FLNB: variants seen among roughly 807,000 people sequenced by gnomAD.
The protein encoded by FLNB is filamin-B.
In FLNB, 111 loss-of-function variants were observed where a neutral mutation model predicts 250.6. That is an observed-to-expected ratio of 0.44 (90% CI 0.38 to 0.52). FLNB has a LOEUF of 0.52. FLNB is among the 20% of genes least tolerant of loss of function. The pLI is 0.00. For synonymous variants in FLNB, 1,302 were observed against 1,372.1 expected, an observed-to-expected ratio of 0.95 and a Z score of 1.13; for missense variants, 2,869 against 3,447.8, an observed-to-expected ratio of 0.83 and a Z score of 4.20.
At chr3:58,118,732 T>C (rs1206448427) in intron 18 of FLNB, 140 bp from the exon 19 acceptor site, 1 of 739,006 alleles carries the variant, frequency 1.4e-6, no homozygotes, top group Admixed American at 2.0e-5. Flanking sequence ...CTAGAAGAAA[T>C]AGATCTAAGA....
At position 58,124,468 on chromosome 3, in the gene FLNB, T is replaced by C. The variant is rs1294684447; in HGVS notation, c.3861T>C (p.Asp1287=). The C allele has an allele frequency of 1.2e-6, 2 of 1,614,102 alleles. No homozygotes were observed. The highest frequency in any genetic ancestry group is 1.7e-6 in the Non-Finnish European group (2 of 1,180,042). ...AGTGCTTTGTCACAGACAATGCGGATGGGACCTACCAGGTGGAATACACAC... is the reference window on the plus strand; with the variant it reads ...AGTGCTTTGTCACAGACAATGCGGACGGGACCTACCAGGTGGAATACACAC... ...STECFVTDNA[D]GTYQVEYTPF... Residue 1287 remains aspartate, a synonymous_variant, in exon 22 of 46, where the codon GAT becomes GAC. Coordinates refer to ENST00000295956, the MANE Select transcript of FLNB (RefSeq NM_001457.4).
At chr3:58,083,725 G>A (rs1276446858) in intron 4 of FLNB, among the ~76,000 whole-genome samples, 1 of 152,050 alleles carries the variant, frequency 6.6e-6, no homozygotes, top group African/African-American at 2.4e-5. Context: ...GACTTTTTGG[G>A]CATGATTTAG....
intron 29 of FLNB, among the ~76,000 whole-genome samples, chr3:58,139,931 G>T (rs896482882): frequency 6.6e-6 from 1 of 151,986 alleles, no homozygotes; most frequent in Non-Finnish European, 1.5e-5. Flanking sequence ...GACCCTTTTT[G>T]CAGAAGTGGA....
chr3:58,159,572 A>T lies in FLNB; in HGVS notation c.6907A>T (p.Asn2303Tyr). Residue 2303 changes from asparagine (N) to tyrosine (Y), a missense_variant, in exon 42 of 46, where the codon AAC becomes TAC. Transcript: ENST00000295956. ...MSLQESGLKVNQPASFAIRLN... is the reference protein window; with the variant it reads ...MSLQESGLKVYQPASFAIRLN... ...TTCTCAGGAATCGGGATTAAAAGTT[A>T]ACCAGCCAGCATCCTTTGCTATAAG... is the stretch of plus-strand genomic sequence containing the variant. The T allele has an allele frequency of 1.2e-6, 2 of 1,614,182 alleles. No individual in the cohort carries two copies. Among genetic ancestry groups the T allele is most frequent in the Non-Finnish European group, 1.7e-6 (2 of 1,180,032 alleles).
intron 1 of FLNB, among the ~76,000 whole-genome samples, chr3:58,036,610 A>C (rs2097138452): frequency 6.6e-6 from 1 of 152,216 alleles, no homozygotes; most frequent in Admixed American, 6.5e-5. Context: ...TGTTATCTCC[A>C]GAAGCAATTT....
intron 1 of FLNB, among the ~76,000 whole-genome samples, chr3:58,066,059 C>A (rs1282932146): frequency 6.6e-6 from 1 of 152,134 alleles, no homozygotes; most frequent in Non-Finnish European, 1.5e-5. Flanking sequence ...CTTGAACTGT[C>A]AGTTGTCCAG....
rs2097291842 is a variant in FLNB, at chr3:58,123,105, G to A, written c.3139G>A (p.Gly1047Ser). Reference sequence around the variant, plus strand: ...TTTGCTCAAATAGGTGAAGGCCCACGGTCCCGGCCTCGAAGGTGGTCTCGT... The same window carrying A: ...TTTGCTCAAATAGGTGAAGGCCCACAGTCCCGGCCTCGAAGGTGGTCTCGT... ...PPDPSKVKAH[G>S]PGLEGGLVGK... The change falls in exon 21 of 46, where the codon GGT (glycine) becomes AGT (serine). Residue 1047 changes from glycine to serine, a missense_variant. Physicochemically the swap from Gly to Ser is moderately conservative, Grantham distance 56. Coordinates refer to ENST00000295956, the MANE Select transcript of FLNB (RefSeq NM_001457.4). 2.5e-6 allele frequency: 4 copies of A among 1,614,022 alleles called. No individual in the cohort carries two copies. The highest frequency in any genetic ancestry group is 3.4e-6 in the Non-Finnish European group (4 of 1,179,998).
chr3:58,024,309 C>T (rs539899061), intron 1 of FLNB, among the ~76,000 whole-genome samples: 4 of 152,264 alleles, frequency 2.6e-5, no homozygotes, highest in African/African-American at 7.2e-5. Flanking sequence ...TAGCAGTACC[C>T]CCTTACTGGC....
At chr3:58,147,063 T>C in intron 34 of FLNB, 70 bp downstream of exon 34, 1 of 1,512,128 alleles carries the variant, frequency 6.6e-7, no homozygotes, top group African/African-American at 1.4e-5. Flanking sequence ...ACCCTCCTTA[T>C]CAGACCCCTG....
chr3:58,120,538 T>C (rs2097286955), intron 19 of FLNB, among the ~76,000 whole-genome samples: 1 of 152,228 alleles, frequency 6.6e-6, no homozygotes, highest in Non-Finnish European at 1.5e-5. Context: ...ACACTTGGGC[T>C]TCCTGCAGCC....
At chr3:58,099,597 C>T (rs765555332) in intron 8 of FLNB, among the ~76,000 whole-genome samples, 1 of 152,162 alleles carries the variant, frequency 6.6e-6, no homozygotes, top group Non-Finnish European at 1.5e-5. Context: ...CTAACCCACA[C>T]TTGCCTTTCC....
intron 4 of FLNB, among the ~76,000 whole-genome samples, chr3:58,093,326 C>T (rs2097231461): frequency 6.6e-6 from 1 of 152,172 alleles, no homozygotes; most frequent in South Asian, 2.1e-4. Flanking sequence ...CCCAGAAGCT[C>T]TCTAAACTCC....
At chr3:58,157,874 G>T (rs2097355657) in intron 41 of FLNB, among the ~76,000 whole-genome samples, 1 of 152,226 alleles carries the variant, frequency 6.6e-6, no homozygotes, top group Admixed American at 6.5e-5. Flanking sequence ...TAAGTGCACA[G>T]CAGGCTGTTT....
At chr3:58,059,850 A>G (rs1294832163) in intron 1 of FLNB, among the ~76,000 whole-genome samples, 1 of 152,152 alleles carries the variant, frequency 6.6e-6, no homozygotes, top group Non-Finnish European at 1.5e-5. Context: ...TTGTAACACC[A>G]TCATGTCCTT....
In FLNB at chr3:58,169,491, C is replaced by T; in HGVS notation, c.7418-99C>T. On this transcript the variant is annotated intron_variant, in intron 44 of 45. Coordinates refer to ENST00000295956, the MANE Select transcript of FLNB (RefSeq NM_001457.4). The surrounding 1 kb of genome is among the most constrained non-coding windows in gnomAD (Gnocchi z 4.8). The stretch of plus-strand genomic sequence containing the variant: ...GCTTTTGTGTTGGGGTGCGCGGGCT[C>T]TCCTGGGGTTACTGTGTAGGGTACT... 1.0e-6 allele frequency: 1 copy of T among 958,904 alleles called. No individual in the cohort carries two copies. The highest frequency in any genetic ancestry group is 1.7e-6 in the Non-Finnish European group (1 of 585,652). The allele number at this position is 958,904 out of a possible 1,614,324, so 59.4% of individuals were successfully genotyped here.
intron 1 of FLNB, among the ~76,000 whole-genome samples, chr3:58,023,248 G>A (rs539945998): frequency 6.6e-6 from 1 of 151,516 alleles, no homozygotes; most frequent in Admixed American, 6.6e-5. Context: ...ACAGGCACGT[G>A]CCACCATGCC....
intron 1 of FLNB, among the ~76,000 whole-genome samples, chr3:58,067,571 G>A (rs2097187468): frequency 8.6e-6 from 1 of 115,886 alleles, no homozygotes; most frequent in African/African-American, 3.8e-5. Context: ...GTAACAAAGA[G>A]GTTTTTTTTG....
At chr3:58,119,128 C>G in intron 19 of FLNB, 139 bp downstream of exon 19, 1 of 742,866 alleles carries the variant, frequency 1.3e-6, no homozygotes, top group Non-Finnish European at 2.5e-6. Context: ...GACTTTGGTT[C>G]GAATTAAGGC....
chr3:58,096,088 C>A, intron 5 of FLNB, 53 bp from the exon 6 acceptor site: 1 of 1,386,406 alleles, frequency 7.2e-7, no homozygotes, highest in Non-Finnish European at 1.0e-6. Context: ...ACACAGCATG[C>A]TCCTTACTCA....
Sources: allele counts gnomAD v4.1 joint callset (sites outside exome capture counted in the v4.1 genomes callset), GRCh38; gene constraint gnomAD v4.1.1; non-coding constraint Gnocchi (gnomAD v3.1); transcripts MANE v1.5; gene names NCBI Gene and HGNC (gene_info 2026-07-23, HGNC 2026-07-21).